Variants in CHRM2 observed in about 807,000 individuals in gnomAD.
The protein encoded by CHRM2 is muscarinic acetylcholine receptor M2.
CHRM2 carries 8 observed loss-of-function variants against 25.0 expected under a neutral mutation model. That is an observed-to-expected ratio of 0.32 (90% CI 0.19 to 0.58). The LOEUF is 0.58. CHRM2 is among the 20% of genes least tolerant of loss of function. The pLI, the probability that CHRM2 is intolerant of heterozygous loss-of-function variation, is 0.88. For synonymous variants in CHRM2, 202 were observed against 205.7 expected, an observed-to-expected ratio of 0.98 and a Z score of 0.15; for missense variants, 440 against 567.1, an observed-to-expected ratio of 0.78 and a Z score of 2.28.
intron 2 of CHRM2, among the ~76,000 whole-genome samples, chr7:136,875,565 C>T (rs967907486): frequency 1.3e-5 from 2 of 152,238 alleles, no homozygotes; most frequent in African/African-American, 4.8e-5. Context: ...TGCTTCTAAC[C>T]GGTCTCCCAC....
intron 2 of CHRM2, among the ~76,000 whole-genome samples, chr7:136,982,613 A>C (rs1300217653): frequency 6.6e-6 from 1 of 152,058 alleles, no homozygotes; most frequent in Admixed American, 6.6e-5. Flanking sequence ...TGCTTCCTTC[A>C]GGAGCTCTTG....
At chr7:136,907,252 C>T (rs1286597238) in intron 2 of CHRM2, among the ~76,000 whole-genome samples, 1 of 151,860 alleles carries the variant, frequency 6.6e-6, no homozygotes, top group African/African-American at 2.4e-5. Flanking sequence ...GGTTGAAGAC[C>T]CCTGCTTTAG....
At chr7:136,999,177 C>G (rs561318619) in intron 3 of CHRM2, among the ~76,000 whole-genome samples, 25 of 152,058 alleles carry the variant, frequency 1.6e-4, no homozygotes, top group Non-Finnish European at 3.4e-4. Flanking sequence ...GTTGAGTCAT[C>G]ATGAACGATG....
At chr7:136,926,023 G>A (rs1798727180) in intron 2 of CHRM2, among the ~76,000 whole-genome samples, 1 of 152,154 alleles carries the variant, frequency 6.6e-6, no homozygotes, top group Non-Finnish European at 1.5e-5. Context: ...GATTGCTTGA[G>A]TCCAGGAGTT....
At chr7:136,921,688 T>C (rs17496844) in intron 2 of CHRM2, among the ~76,000 whole-genome samples, 34,117 of 151,850 alleles carry the variant, frequency 0.22, 5,045 homozygotes, top group Non-Finnish European at 0.33. Flanking sequence ...AATCACCTTT[T>C]CTGGATAAAA....
intron 2 of CHRM2, among the ~76,000 whole-genome samples, chr7:136,881,103 T>TAAAAAAAAAAAAAAAAAAAA (rs1796248721): frequency 6.7e-6 from 1 of 149,434 alleles, no homozygotes; most frequent in South Asian, 2.1e-4. Context: ...TCCACTGCCC[T>TAAAAAAAAAAAAAAAAAAAA]AAAAAGCCTC....
intron 3 of CHRM2, among the ~76,000 whole-genome samples, chr7:137,003,222 G>T (rs1177181603): frequency 6.6e-6 from 1 of 152,060 alleles, no homozygotes; most frequent in Non-Finnish European, 1.5e-5. Flanking sequence ...GCTTGCTGCT[G>T]TCTCCCTCAA....
chr7:136,875,206 AT>A (rs896882331), intron 2 of CHRM2, among the ~76,000 whole-genome samples: 1 of 151,444 alleles, frequency 6.6e-6, no homozygotes, highest in African/African-American at 2.4e-5. Flanking sequence ...ATATATACAT[AT>A]ATACATATAC....
intron 2 of CHRM2, among the ~76,000 whole-genome samples, chr7:136,967,691 G>A (rs1801502110): frequency 6.6e-6 from 1 of 151,410 alleles, no homozygotes; most frequent in Non-Finnish European, 1.5e-5. Context: ...TATTATTTCT[G>A]TTCTCTCTTT....
chr7:137,015,306 C>T lies in CHRM2; in HGVS notation c.441C>T (p.Ala147=), dbSNP rs776458114. ...TGGCAGGTATGATGATTGCAGCTGC[C>T]TGGGTCCTCTCTTTCATCCTCTGGG... The part of the protein sequence containing the change: ...TKMAGMMIAA[A]WVLSFILWAP... Residue 147 remains alanine, a synonymous_variant, in exon 4 of 4, where the codon GCC becomes GCT. Transcript: ENST00000680005. The surrounding 1 kb of genome is among the most constrained non-coding windows in gnomAD (Gnocchi z 5.1). 1.9e-6 allele frequency: 3 copies of T among 1,613,246 alleles called. No individual in the cohort carries two copies. In the African/African-American group the frequency reaches 4.0e-5, roughly 22 times the overall value.
At chr7:136,978,765 G>A (rs547234542) in intron 2 of CHRM2, among the ~76,000 whole-genome samples, 1 of 152,188 alleles carries the variant, frequency 6.6e-6, no homozygotes, top group African/African-American at 2.4e-5. Context: ...CAATATCCCT[G>A]CAAAAGACAT....
chr7:136,975,108 T>C (rs1802026868), intron 2 of CHRM2, among the ~76,000 whole-genome samples: 1 of 152,194 alleles, frequency 6.6e-6, no homozygotes, highest in South Asian at 2.1e-4. Flanking sequence ...TAATAAGCAA[T>C]TTAAAGCTCA....
chr7:136,891,583 AC>A (rs1315815367), intron 2 of CHRM2, among the ~76,000 whole-genome samples: 1 of 151,902 alleles, frequency 6.6e-6, no homozygotes, highest in Non-Finnish European at 1.5e-5. Context: ...TCTTTATCAC[AC>A]CCTTTTCATG....
intron 2 of CHRM2, among the ~76,000 whole-genome samples, chr7:136,943,571 G>C (rs1799894335): frequency 6.6e-6 from 1 of 152,090 alleles, no homozygotes; most frequent in Non-Finnish European, 1.5e-5. Flanking sequence ...CGGTCGCCAA[G>C]CTAATATTTT....
chr7:136,990,596 C>A (rs566377690), intron 2 of CHRM2, among the ~76,000 whole-genome samples: 2 of 152,060 alleles, frequency 1.3e-5, no homozygotes, highest in Non-Finnish European at 2.9e-5. Flanking sequence ...TCTGGATGTA[C>A]CACAGTTTAT....
chr7:136,889,047 C>CAAA (rs56915229), intron 2 of CHRM2, among the ~76,000 whole-genome samples: 5,649 of 66,408 alleles, frequency 0.085, 741 homozygotes, highest in African/African-American at 0.23. Context: ...GACTACATCT[C>CAAA]AAAAAAAAAA....
intron 2 of CHRM2, among the ~76,000 whole-genome samples, chr7:136,981,085 G>C (rs1802454205): frequency 6.6e-6 from 1 of 152,120 alleles, no homozygotes; most frequent in Non-Finnish European, 1.5e-5. Context: ...GCTTTCTTTG[G>C]TTGGTAGGGT....
At chr7:137,009,091 A>T (rs1442442955) in intron 3 of CHRM2, among the ~76,000 whole-genome samples, 1 of 152,114 alleles carries the variant, frequency 6.6e-6, no homozygotes, top group Non-Finnish European at 1.5e-5. Flanking sequence ...TTACTTATGT[A>T]TTGATAATTC....
intron 2 of CHRM2, among the ~76,000 whole-genome samples, chr7:136,934,417 C>G (rs1799295337): frequency 6.6e-6 from 1 of 152,050 alleles, no homozygotes; most frequent in African/African-American, 2.4e-5. Context: ...TTCTAGCCAG[C>G]CTCTGTAGTC....
Sources: gnomAD v4.1 joint callset for allele counts (sites outside exome capture counted in the v4.1 genomes callset) on GRCh38, gnomAD v4.1.1 for gene constraint, Gnocchi (gnomAD v3.1) non-coding constraint, MANE v1.5 for transcripts, NCBI Gene and HGNC (gene_info 2026-07-23, HGNC 2026-07-21) for gene names.